The following GRM1 variants were observed in gnomAD, a reference collection of about 807,000 sequenced individuals.
GRM1 encodes the protein metabotropic glutamate receptor 1.
Under a neutral mutation model 90.9 loss-of-function variants are expected in GRM1, and 33 were observed. That is an observed-to-expected ratio of 0.36 (90% CI 0.28 to 0.49). The LOEUF (loss-of-function observed/expected upper bound fraction) is 0.49, where lower values mean the gene tolerates loss of function less well. GRM1 is among the 20% of genes least tolerant of loss of function. The probability of loss-of-function intolerance (pLI) is 0.99; values close to 1 mark genes in which losing one functional copy is unlikely to be tolerated. For synonymous variants in GRM1, 700 were observed against 613.2 expected (o/e 1.14, Z -2.09); for missense variants, 1,190 against 1,534.3 (o/e 0.78, Z 3.75).
intron 1 of GRM1, among the ~76,000 whole-genome samples, chr6:146,088,395 A>T (rs1310800012): frequency 1.3e-5 from 2 of 152,126 alleles, no homozygotes; most frequent in Admixed American, 6.6e-5. Context: ...CGAAAATAAT[A>T]CTGAAACACC....
chr6:146,379,573 T>C (rs2223774), intron 5 of GRM1, among the ~76,000 whole-genome samples: 69,817 of 151,936 alleles, frequency 0.46, 16,256 homozygotes, highest in African/African-American at 0.54. Flanking sequence ...AAGATTGGTT[T>C]CCGGTGTCTT....
At chr6:146,168,321 C>G (rs1777983547) in intron 2 of GRM1, among the ~76,000 whole-genome samples, 1 of 151,588 alleles carries the variant, frequency 6.6e-6, no homozygotes, top group Admixed American at 6.6e-5. Context: ...TGCCCATGTC[C>G]CAAGAATATT....
At chr6:146,237,715 T>C (rs940894843) in intron 2 of GRM1, among the ~76,000 whole-genome samples, 18 of 152,228 alleles carry the variant, frequency 1.2e-4, no homozygotes, top group African/African-American at 4.3e-4. Flanking sequence ...GTTTGATCAG[T>C]GTCATTGGTG....
chr6:146,422,502 G>A (rs2114662870), intron 7 of GRM1, among the ~76,000 whole-genome samples: 1 of 152,240 alleles, frequency 6.6e-6, no homozygotes, highest in East Asian at 1.9e-4. Flanking sequence ...GGATTAGGCT[G>A]GAATAGCATT....
chr6:146,312,942 T>C (rs1783828059), intron 3 of GRM1, among the ~76,000 whole-genome samples: 1 of 152,240 alleles, frequency 6.6e-6, no homozygotes, highest in Non-Finnish European at 1.5e-5. Context: ...TTAATCCATG[T>C]CATTTTTAAT....
chr6:146,233,251 G>T (rs1200758374), intron 2 of GRM1, among the ~76,000 whole-genome samples: 1 of 151,976 alleles, frequency 6.6e-6, no homozygotes, highest in Non-Finnish European at 1.5e-5. Flanking sequence ...GCCACAAATA[G>T]CCCTCTAAGC....
At chr6:146,165,631 CA>C (rs1227079510) in intron 2 of GRM1, among the ~76,000 whole-genome samples, 1 of 152,138 alleles carries the variant, frequency 6.6e-6, no homozygotes, top group East Asian at 1.9e-4. Context: ...TACAAACCTG[CA>C]GACAGGCTAT....
chr6:146,167,421 G>A (rs1777948142), intron 2 of GRM1, among the ~76,000 whole-genome samples: 1 of 152,066 alleles, frequency 6.6e-6, no homozygotes, highest in Non-Finnish European at 1.5e-5. Context: ...GAGATTATGG[G>A]TCATAAGTGT....
At chr6:146,382,562 C>T (rs1776355273) in intron 5 of GRM1, among the ~76,000 whole-genome samples, 1 of 152,186 alleles carries the variant, frequency 6.6e-6, no homozygotes, top group Admixed American at 6.5e-5. Context: ...GGAAAGATGA[C>T]ATTCTAAATA....
Position 146,218,142 on chromosome 6 carries a change from T to TC in GRM1, c.950+58547dup, listed in dbSNP as rs767481801. The stretch of plus-strand genomic sequence containing the variant: ...GATCACTGCTGAGCCTGATCTCTTA[T>TC]CCACCTAAATGAAACCATGTGTCAC... On this transcript the variant is annotated intron_variant, in intron 2 of 7. Coordinates refer to ENST00000282753, the MANE Select transcript of GRM1 (RefSeq NM_001278064.2). Among the ~76,000 whole-genome samples, 61 of 152,268 alleles carry TC rather than the reference T, an allele frequency of 4.0e-4. 2 individuals carry two copies. In the Middle Eastern group the frequency reaches 0.024, roughly 59 times the overall value.
chr6:146,352,757 T>G (rs554422104), intron 4 of GRM1, among the ~76,000 whole-genome samples: 1 of 152,280 alleles, frequency 6.6e-6, no homozygotes, highest in East Asian at 1.9e-4. Context: ...CACTTGACCC[T>G]TTTTCCAGAA....
intron 3 of GRM1, among the ~76,000 whole-genome samples, chr6:146,317,447 C>A (rs147444691): frequency 1.8e-3 from 277 of 152,240 alleles, no homozygotes; most frequent in African/African-American, 6.0e-3. Flanking sequence ...GTCACAGTTT[C>A]TTTGCAAATT....
At chr6:146,160,677 C>G (rs1347663226) in intron 2 of GRM1, among the ~76,000 whole-genome samples, 1 of 152,066 alleles carries the variant, frequency 6.6e-6, no homozygotes, top group Non-Finnish European at 1.5e-5. Context: ...TCCCTTTTGT[C>G]CTTGTGTTTA....
At chr6:146,395,629 GC>G (rs1256404057) in intron 6 of GRM1, among the ~76,000 whole-genome samples, 1 of 151,936 alleles carries the variant, frequency 6.6e-6, no homozygotes, top group Non-Finnish European at 1.5e-5. Flanking sequence ...AAATTCTATA[GC>G]AAACATTATG....
At chr6:146,100,701 T>C (rs954192896) in intron 1 of GRM1, among the ~76,000 whole-genome samples, 1 of 152,224 alleles carries the variant, frequency 6.6e-6, no homozygotes, top group Non-Finnish European at 1.5e-5. Flanking sequence ...TTTTTCTTGG[T>C]TAACTTTGGC....
chr6:146,240,616 C>T (rs1291533027), intron 2 of GRM1, among the ~76,000 whole-genome samples: 2 of 152,066 alleles, frequency 1.3e-5, no homozygotes, highest in Non-Finnish European at 2.9e-5. Context: ...AGGAGGATGC[C>T]CATCCAAAGC....
chr6:146,240,833 A>G (rs950665655), intron 2 of GRM1, among the ~76,000 whole-genome samples: 7 of 152,170 alleles, frequency 4.6e-5, no homozygotes, highest in Admixed American at 4.6e-4. Flanking sequence ...ACATTGTGGT[A>G]CAGTCTTCCT....
chr6:146,076,987 C>T (rs1776208178), intron 1 of GRM1, among the ~76,000 whole-genome samples: 1 of 152,064 alleles, frequency 6.6e-6, no homozygotes, highest in African/African-American at 2.4e-5. Context: ...GTCAGAATGA[C>T]CTTGGACAAA....
intron 5 of GRM1, among the ~76,000 whole-genome samples, chr6:146,367,564 C>A (rs937114809): frequency 1.3e-5 from 2 of 152,024 alleles, no homozygotes; most frequent in Non-Finnish European, 2.9e-5. Context: ...GTTTTTCAAC[C>A]CATGGCCCCC....
Sources: allele counts gnomAD v4.1 joint callset (sites outside exome capture counted in the v4.1 genomes callset), GRCh38; gene constraint gnomAD v4.1.1; transcripts MANE v1.5; gene names NCBI Gene and HGNC (gene_info 2026-07-23, HGNC 2026-07-21).